Variants in SGCZ observed in about 807,000 individuals in gnomAD.
SGCZ encodes sarcoglycan zeta.
Under a neutral mutation model 41.3 loss-of-function variants are expected in SGCZ, and 40 were observed. The ratio of observed to expected loss-of-function variants is 0.97; its 90% confidence interval spans 0.75 to 1.26. The LOEUF (loss-of-function observed/expected upper bound fraction) is 1.26. Among genes scored for constraint, SGCZ ranks in the 50% most tolerant of loss-of-function variants. The pLI is 0.00. For synonymous variants in SGCZ, 206 were observed against 137.5 expected (o/e 1.50, Z -3.49); for missense variants, 552 against 369.8 (o/e 1.49, Z -4.04).
At chr8:15,201,388 A>G in intron 1 of SGCZ, among the ~76,000 whole-genome samples, 1 of 152,160 alleles carries the variant, frequency 6.6e-6, no homozygotes, top group East Asian at 1.9e-4. Context: ...TTTGCTTCCT[A>G]TTTAGTCATC....
At chr8:14,297,188 G>T (rs1197615524) in intron 3 of SGCZ, among the ~76,000 whole-genome samples, 1 of 152,034 alleles carries the variant, frequency 6.6e-6, no homozygotes, top group Non-Finnish European at 1.5e-5. Context: ...CTCCAAAAGT[G>T]CTGGGATTAC....
chr8:14,652,271 G>A (rs1290802452), intron 1 of SGCZ, among the ~76,000 whole-genome samples: 2 of 143,776 alleles, frequency 1.4e-5, no homozygotes, highest in African/African-American at 2.6e-5. Context: ...AACCCGGGAG[G>A]TGGAGGTTGC....
chr8:14,828,462 T>C (rs1220445109), intron 1 of SGCZ, among the ~76,000 whole-genome samples: 1 of 152,342 alleles, frequency 6.6e-6, no homozygotes, highest in Non-Finnish European at 1.5e-5. Flanking sequence ...AAAACCTTTG[T>C]ACCTAAATGA....
chr8:14,514,092 T>G (rs528602187), intron 2 of SGCZ, among the ~76,000 whole-genome samples: 1 of 152,206 alleles, frequency 6.6e-6, no homozygotes, highest in African/African-American at 2.4e-5. Flanking sequence ...GTTAGTCCTT[T>G]GAGAAGATTT....
At chr8:15,031,505 C>T (rs538367695) in intron 1 of SGCZ, among the ~76,000 whole-genome samples, 6 of 152,212 alleles carry the variant, frequency 3.9e-5, no homozygotes, top group African/African-American at 1.2e-4. Context: ...TGCTCGCCAC[C>T]CCTGAAGGAC....
intron 1 of SGCZ, among the ~76,000 whole-genome samples, chr8:14,663,048 A>C (rs1807805421): frequency 6.6e-6 from 1 of 152,160 alleles, no homozygotes; most frequent in African/African-American, 2.4e-5. Flanking sequence ...GTCCAGAAAG[A>C]AATGCAGTTC....
chr8:14,749,185 T>C (rs987113502), intron 1 of SGCZ, among the ~76,000 whole-genome samples: 1 of 152,308 alleles, frequency 6.6e-6, no homozygotes, highest in African/African-American at 2.4e-5. Flanking sequence ...ATAAGCAAGA[T>C]AAACCTAACC....
At chr8:14,638,423 T>C (rs1806907279) in intron 1 of SGCZ, among the ~76,000 whole-genome samples, 1 of 151,910 alleles carries the variant, frequency 6.6e-6, no homozygotes, top group Admixed American at 6.6e-5. Flanking sequence ...CCAGTATAAA[T>C]AACATTTCCT....
At chr8:15,066,403 T>C (rs1163952114) in intron 1 of SGCZ, among the ~76,000 whole-genome samples, 21 of 151,978 alleles carry the variant, frequency 1.4e-4, no homozygotes, top group Admixed American at 1.4e-3. Flanking sequence ...TTCCCTTCTG[T>C]GGTATATTAT....
intron 1 of SGCZ, among the ~76,000 whole-genome samples, chr8:14,996,526 C>T (rs1402838362): frequency 1.3e-5 from 2 of 152,166 alleles, no homozygotes; most frequent in East Asian, 3.9e-4. Flanking sequence ...CTCAGCCTCC[C>T]AAGTAGCTGG....
chr8:14,329,444 A>T (rs530840810), intron 2 of SGCZ, among the ~76,000 whole-genome samples: 9 of 152,226 alleles, frequency 5.9e-5, no homozygotes, highest in Non-Finnish European at 1.3e-4. Flanking sequence ...TAATCAACAC[A>T]TTTAAAAAAT....
At chr8:15,106,934 ATTTT>A (rs999200761) in intron 1 of SGCZ, among the ~76,000 whole-genome samples, 3 of 152,004 alleles carry the variant, frequency 2.0e-5, no homozygotes, top group African/African-American at 7.2e-5. Flanking sequence ...TTGGTGTTGA[ATTTT>A]TTTATTAATT....
intron 1 of SGCZ, among the ~76,000 whole-genome samples, chr8:14,818,534 A>C (rs1434950367): frequency 6.6e-6 from 1 of 152,152 alleles, no homozygotes; most frequent in Non-Finnish European, 1.5e-5. Flanking sequence ...AAAGTCAAGG[A>C]AACATGATGG....
intron 3 of SGCZ, among the ~76,000 whole-genome samples, chr8:14,290,234 A>G (rs1026374672): frequency 1.3e-5 from 2 of 152,126 alleles, no homozygotes; most frequent in Non-Finnish European, 2.9e-5. Context: ...CTACAAAACT[A>G]CAAGAAGGAA....
intron 2 of SGCZ, among the ~76,000 whole-genome samples, chr8:14,421,693 C>T (rs1403845080): frequency 6.6e-6 from 1 of 152,076 alleles, no homozygotes; most frequent in Non-Finnish European, 1.5e-5. Flanking sequence ...AGCACAAGCC[C>T]TATCTTGTGT....
chr8:14,793,757 A>G (rs1801035528), intron 1 of SGCZ, among the ~76,000 whole-genome samples: 1 of 152,074 alleles, frequency 6.6e-6, no homozygotes, highest in Non-Finnish European at 1.5e-5. Flanking sequence ...TCCCCCACCT[A>G]CCCTGCCCAG....
chr8:14,759,261 G>A (rs772916508), intron 1 of SGCZ, among the ~76,000 whole-genome samples: 4 of 151,912 alleles, frequency 2.6e-5, no homozygotes, highest in East Asian at 1.9e-4. Context: ...GAGAAACTAG[G>A]ATATTGCTGA....
chr8:15,170,541 T>C (rs2117061699), intron 1 of SGCZ, among the ~76,000 whole-genome samples: 1 of 152,342 alleles, frequency 6.6e-6, no homozygotes, highest in South Asian at 2.1e-4. Flanking sequence ...AAGTGCTTTC[T>C]TCTTCAACAG....
intron 1 of SGCZ, among the ~76,000 whole-genome samples, chr8:14,673,182 A>G (rs1006936108): frequency 6.6e-6 from 1 of 152,212 alleles, no homozygotes; most frequent in Non-Finnish European, 1.5e-5. Flanking sequence ...TGTAACCACT[A>G]TACTGTCTTG....
Sources: allele counts gnomAD v4.1 joint callset (sites outside exome capture counted in the v4.1 genomes callset), GRCh38; gene constraint gnomAD v4.1.1; transcripts MANE v1.5; gene names NCBI Gene and HGNC (gene_info 2026-07-23, HGNC 2026-07-21).